The following ASXL2 variants were observed in gnomAD, a reference collection of about 807,000 sequenced individuals.
ASXL2 encodes ASXL transcriptional regulator 2, also known as putative Polycomb group protein ASXL2.
Under a neutral mutation model 122.0 loss-of-function variants are expected in ASXL2, and 23 were observed. The ratio of observed to expected loss-of-function variants is 0.19; its 90% CI spans 0.14 to 0.27. ASXL2 has a LOEUF of 0.27. ASXL2 is among the 10% of genes least tolerant of loss of function. ASXL2 has a pLI of 1.00. For missense variants in ASXL2, 1,518 were observed against 1,713.8 expected (o/e 0.89, Z 2.02); for synonymous variants, 650 against 637.0 (o/e 1.02, Z -0.31).
chr2:25,820,292 C>T (rs747586686), intron 3 of ASXL2, among the ~76,000 whole-genome samples: 1 of 152,150 alleles, frequency 6.6e-6, no homozygotes, highest in Non-Finnish European at 1.5e-5. Context: ...ACAAATTAGA[C>T]AGATGTTAAC....
chr2:25,844,967 A>G (rs951484152), intron 2 of ASXL2, among the ~76,000 whole-genome samples: 6 of 152,208 alleles, frequency 3.9e-5, no homozygotes, highest in Non-Finnish European at 5.9e-5. Flanking sequence ...GTTCTTAGAA[A>G]TTAAAGTCTG....
At chr2:25,857,195 G>A (rs1390788077) in intron 1 of ASXL2, among the ~76,000 whole-genome samples, 1 of 151,804 alleles carries the variant, frequency 6.6e-6, no homozygotes, top group East Asian at 1.9e-4. Flanking sequence ...GAGCCATGGA[G>A]TTCTTCTGTA....
intron 1 of ASXL2, among the ~76,000 whole-genome samples, chr2:25,862,364 A>G (rs565924539): frequency 1.3e-5 from 2 of 152,366 alleles, no homozygotes; most frequent in Admixed American, 1.3e-4. Flanking sequence ...GGCATGTATC[A>G]GGATATAAAC....
chr2:25,810,791 A>G (rs976227156), intron 3 of ASXL2: 3 of 516,936 alleles, frequency 5.8e-6, no homozygotes, highest in African/African-American at 1.9e-5. Flanking sequence ...TTAAGTCACA[A>G]GAAGCTGAAA....
At chr2:25,841,101 C>T (rs953768278) in intron 2 of ASXL2, among the ~76,000 whole-genome samples, 8 of 146,344 alleles carry the variant, frequency 5.5e-5, no homozygotes, top group African/African-American at 2.1e-4. Flanking sequence ...AGTTTGAGAC[C>T]GGCCTGGATG....
intron 1 of ASXL2, among the ~76,000 whole-genome samples, chr2:25,861,959 T>A (rs1364756359): frequency 6.6e-6 from 1 of 152,236 alleles, no homozygotes; most frequent in Non-Finnish European, 1.5e-5. Context: ...GATTCCAAAG[T>A]ACTGTACTGT....
intron 1 of ASXL2, among the ~76,000 whole-genome samples, chr2:25,871,748 A>T (rs1379891451): frequency 6.6e-6 from 1 of 152,196 alleles, no homozygotes; most frequent in Non-Finnish European, 1.5e-5. Context: ...TGCGCCACCC[A>T]CACCTGGCTA....
rs549679301 is a variant in ASXL2 at position 25,765,224 on chromosome 2, G to A, written c.775+2359C>T. Among the ~76,000 whole-genome samples the A allele has an allele frequency of 2.7e-3, 405 of 152,278 alleles. 2 individuals are homozygous for A. The highest frequency in any genetic ancestry group is 9.2e-3 in the African/African-American group (382 of 41,540). On this transcript the variant is annotated intron_variant, in intron 8 of 12. Transcript: ENST00000435504. ...TGTGTGGCTGGGGGCGGTGGCTCAT[G>A]CCTGTAATCCCAGCACTTTAGGAGG...
chr2:25,773,383 T>C (rs2149157072), intron 5 of ASXL2, among the ~76,000 whole-genome samples: 1 of 152,120 alleles, frequency 6.6e-6, no homozygotes, highest in East Asian at 1.9e-4. Context: ...ATCATAGCCT[T>C]GGCCAGGCGC....
chr2:25,766,087 CTCAGAATGTG>C (rs1231892308), intron 8 of ASXL2, among the ~76,000 whole-genome samples: 1 of 151,976 alleles, frequency 6.6e-6, no homozygotes, highest in South Asian at 2.1e-4. Context: ...ATAAATTTCC[CTCAGAATGTG>C]TCAGCACTGC....
chr2:25,799,643 T>G, intron 4 of ASXL2, 108 bp from the exon 5 acceptor site: 1 of 1,344,676 alleles, frequency 7.4e-7, no homozygotes, highest in Non-Finnish European at 1.0e-6. Context: ...TTTTTGTTAC[T>G]ATAGGATTCA....
In ASXL2 at chr2:25,741,726, T is replaced by C. The variant is rs537167785; in HGVS notation, c.*303A>G. On this transcript the variant is annotated 3_prime_UTR_variant, in exon 13 of 13. Coordinates refer to ENST00000435504, the MANE Select transcript of ASXL2 (RefSeq NM_018263.6). ...GAACATTAATCTGAATTCAAAGTAA[T>C]ACATTATTACCTAAACACTTGGAAA... is the stretch of plus-strand genomic sequence containing the variant. 10 of 342,212 alleles carry C rather than the reference T, an allele frequency of 2.9e-5. No homozygotes were observed. In the East Asian group the frequency reaches 4.3e-4, roughly 15 times the overall value. 21.2% of individuals were successfully genotyped at this position (342,212 alleles called of 1,614,324 possible).
At chr2:25,810,488 G>C (rs2089152057) in intron 3 of ASXL2, 1 of 741,456 alleles carries the variant, frequency 1.3e-6, no homozygotes, top group South Asian at 1.4e-5. Flanking sequence ...TCAACCAGCT[G>C]GATCCTATGG....
At chr2:25,875,439 T>C (rs892981943) in intron 1 of ASXL2, among the ~76,000 whole-genome samples, 1 of 152,238 alleles carries the variant, frequency 6.6e-6, no homozygotes, top group Admixed American at 6.5e-5. Context: ...GTGAAGCCAC[T>C]GCACTCCAGC....
intron 1 of ASXL2, among the ~76,000 whole-genome samples, chr2:25,858,318 G>A (rs1022644878): frequency 6.6e-6 from 1 of 151,700 alleles, no homozygotes; most frequent in African/African-American, 2.4e-5. Context: ...AGAACAAAAT[G>A]ACAAAATGGC....
At chr2:25,765,365 C>T (rs549272609) in intron 8 of ASXL2, among the ~76,000 whole-genome samples, 4 of 151,788 alleles carry the variant, frequency 2.6e-5, no homozygotes, top group Non-Finnish European at 4.4e-5. Context: ...GGGCACCTGT[C>T]GTCCCAGCTA....
intron 8 of ASXL2, among the ~76,000 whole-genome samples, chr2:25,766,514 CAT>C (rs1467922941): frequency 1.3e-5 from 2 of 152,190 alleles, no homozygotes. Context: ...TTTACTGAAA[CAT>C]TATCAAGATG....
chr2:25,864,368 A>C (rs971845921), intron 1 of ASXL2, among the ~76,000 whole-genome samples: 1 of 152,126 alleles, frequency 6.6e-6, no homozygotes, highest in Non-Finnish European at 1.5e-5. Context: ...GATTGGAGAG[A>C]GCTTTAATAG....
chr2:25,746,789 T>G (rs2087950152), intron 12 of ASXL2, among the ~76,000 whole-genome samples: 1 of 151,614 alleles, frequency 6.6e-6, no homozygotes, highest in African/African-American at 2.4e-5. Context: ...ATAAATCATA[T>G]TTCTTTTTAA....
Sources: gnomAD v4.1 joint callset for allele counts (sites outside exome capture counted in the v4.1 genomes callset) on GRCh38, gnomAD v4.1.1 for gene constraint, MANE v1.5 for transcripts, NCBI Gene and HGNC (gene_info 2026-07-23, HGNC 2026-07-21) for gene names.